The following UNC13C variants were observed in gnomAD, a reference collection of about 807,000 sequenced individuals.
UNC13C encodes the protein protein unc-13 homolog C.
UNC13C carries 174 observed loss-of-function variants against 245.4 expected under a neutral mutation model. The ratio of observed to expected loss-of-function variants is 0.71; its 90% CI spans 0.63 to 0.80. The LOEUF is 0.80. UNC13C is among the 30% of genes least tolerant of loss of function. The pLI, the probability that UNC13C is intolerant of heterozygous loss-of-function variation, is 0.00. For missense variants in UNC13C, 2,829 were observed against 2,602.9 expected (o/e 1.09, Z -1.89); for synonymous variants, 992 against 895.1 (o/e 1.11, Z -1.93).
At chr15:53,924,270 T>C in the UNC13C span, among the ~76,000 whole-genome samples, 1 of 152,032 alleles carries the variant, frequency 6.6e-6, no homozygotes, top group African/African-American at 2.4e-5. Context: ...CACAGTTCAG[T>C]GCTAATAGAC....
chr15:54,075,597 A>C (rs1162500281), intron 2 of UNC13C, among the ~76,000 whole-genome samples: 1 of 148,576 alleles, frequency 6.7e-6, no homozygotes, highest in East Asian at 2.0e-4. Context: ...CAAAACTGCA[A>C]TTGCTTTTGC....
Position 54,067,051 on chromosome 15 carries a change from A to G in UNC13C, c.2983+51165A>G, listed in dbSNP as rs1898110007. ...GTCTTTTAGCTTATAGCCCTGGCTCATGCTGATATTTTTTAATGTAAATGA... is the reference window on the plus strand; with the variant it reads ...GTCTTTTAGCTTATAGCCCTGGCTCGTGCTGATATTTTTTAATGTAAATGA... On this transcript the variant is annotated intron_variant, in intron 2 of 32. Transcript: ENST00000260323. 2.0e-5 allele frequency among the ~76,000 whole-genome samples: 3 copies of G among 152,100 alleles called. No individual in the cohort carries two copies. In the South Asian group the frequency reaches 6.2e-4, roughly 32 times the overall value.
chr15:54,240,842 C>T (rs74013520), intron 7 of UNC13C, among the ~76,000 whole-genome samples: 2,509 of 152,324 alleles, frequency 0.016, 79 homozygotes, highest in African/African-American at 0.059. Context: ...TTTAGTTTCA[C>T]AGACTGATAA....
At chr15:53,926,849 A>G in the UNC13C span, among the ~76,000 whole-genome samples, 1 of 152,202 alleles carries the variant, frequency 6.6e-6, no homozygotes, top group African/African-American at 2.4e-5. Context: ...GCAGGACAGG[A>G]TCAGGGATCT....
intron 19 of UNC13C, among the ~76,000 whole-genome samples, chr15:54,438,351 G>A (rs1393191406): frequency 6.6e-6 from 1 of 151,926 alleles, no homozygotes; most frequent in Non-Finnish European, 1.5e-5. Context: ...TTCTAGTAAA[G>A]ACTACAAGAT....
chr15:53,858,239 A>G, the UNC13C span, among the ~76,000 whole-genome samples: 1 of 152,178 alleles, frequency 6.6e-6, no homozygotes, highest in Non-Finnish European at 1.5e-5. Context: ...ATTGAAGACA[A>G]TATAAAACAC....
chr15:54,362,707 A>G (rs2039262619), intron 17 of UNC13C, among the ~76,000 whole-genome samples: 1 of 152,130 alleles, frequency 6.6e-6, no homozygotes, highest in Non-Finnish European at 1.5e-5. Flanking sequence ...CTGCATTTAA[A>G]CAAGTCCTCC....
chr15:54,555,645 T>C (rs912123671), intron 29 of UNC13C, 133 bp downstream of exon 29: 43 of 667,366 alleles, frequency 6.4e-5, no homozygotes, highest in South Asian at 1.9e-4. Flanking sequence ...TGAATAGATA[T>C]AGGTTGGTGC....
chr15:54,333,890 T>C, intron 16 of UNC13C, 34 bp downstream of exon 16: 1 of 1,476,058 alleles, frequency 6.8e-7, no homozygotes, highest in Non-Finnish European at 9.3e-7. Context: ...TGTTTTGTTG[T>C]GACATAGAAT....
intron 1 of UNC13C, among the ~76,000 whole-genome samples, chr15:54,007,054 AG>A (rs1895171176): frequency 6.6e-6 from 1 of 152,210 alleles, no homozygotes; most frequent in South Asian, 2.1e-4. Context: ...ACTGTTGAAC[AG>A]ATATGTGGTG....
chr15:54,166,252 C>G (rs868687317), intron 4 of UNC13C, among the ~76,000 whole-genome samples: 20 of 151,966 alleles, frequency 1.3e-4, no homozygotes, highest in African/African-American at 4.8e-4. Context: ...ATATTTGCTT[C>G]CAGTCTTCTT....
chr15:53,882,181 C>T, the UNC13C span, among the ~76,000 whole-genome samples: 1 of 152,140 alleles, frequency 6.6e-6, no homozygotes, highest in Non-Finnish European at 1.5e-5. Context: ...CAGTAAATGT[C>T]ATCTATTATC....
At chr15:54,215,672 C>T (rs11853188) in intron 4 of UNC13C, among the ~76,000 whole-genome samples, 22,220 of 151,816 alleles carry the variant, frequency 0.15, 1,722 homozygotes, top group Middle Eastern at 0.2. Flanking sequence ...TGAATTGGGA[C>T]TTTTACCAGA....
intron 2 of UNC13C, among the ~76,000 whole-genome samples, chr15:54,039,916 C>T (rs1299328406): frequency 1.3e-5 from 2 of 151,934 alleles, no homozygotes; most frequent in Non-Finnish European, 2.9e-5. Flanking sequence ...TGACCCCCAC[C>T]AGTAGCCAGA....
At chr15:54,066,389 C>A (rs1280892829) in intron 2 of UNC13C, among the ~76,000 whole-genome samples, 1 of 152,170 alleles carries the variant, frequency 6.6e-6, no homozygotes, top group Non-Finnish European at 1.5e-5. Flanking sequence ...GAAGTTGAAG[C>A]TTATGTTTGT....
intron 2 of UNC13C, among the ~76,000 whole-genome samples, chr15:54,093,282 T>C (rs1899668580): frequency 6.6e-6 from 1 of 152,206 alleles, no homozygotes; most frequent in Admixed American, 6.5e-5. Flanking sequence ...TTAATCAATA[T>C]TGCATAGATA....
At chr15:54,547,936 A>G (rs923336172) in intron 27 of UNC13C, among the ~76,000 whole-genome samples, 2 of 152,172 alleles carry the variant, frequency 1.3e-5, no homozygotes, top group Admixed American at 6.5e-5. Context: ...AAATTTCCCT[A>G]GGTCAGAGGC....
rs568827174 is a variant in UNC13C at position 54,415,093 on chromosome 15, C to T, written c.4933+26C>T. 5.6e-5 allele frequency: 84 copies of T among 1,499,390 alleles called. No individual in the cohort carries two copies. The African/African-American group carries it at 6.1e-4, about 11-fold the overall frequency. 92.9% of individuals were successfully genotyped at this position (1,499,390 alleles called of 1,614,324 possible). ...GTAATTATAAATATTTATACTTATT[C>T]GAATACATGTTAGAGTTAAATGGTG... On this transcript the variant is annotated intron_variant, in intron 19 of 32. Coordinates refer to ENST00000260323, the MANE Select transcript of UNC13C (RefSeq NM_001080534.3).
intron 2 of UNC13C, among the ~76,000 whole-genome samples, chr15:54,075,833 A>G (rs1056682148): frequency 1.8e-5 from 2 of 110,130 alleles, no homozygotes; most frequent in African/African-American, 2.6e-5. Context: ...TCATCTTCAG[A>G]TATAATGCCA....
Sources: allele counts gnomAD v4.1 joint callset (sites outside exome capture counted in the v4.1 genomes callset), GRCh38; gene constraint gnomAD v4.1.1; transcripts MANE v1.5; gene names NCBI Gene and HGNC (gene_info 2026-07-23, HGNC 2026-07-21).